Variants in CA10 observed in about 807,000 individuals in gnomAD.
CA10 encodes the protein carbonic anhydrase-related protein 10.
A neutral mutation model predicts 44.2 loss-of-function variants in CA10; 14 were observed. The observed-to-expected ratio is 0.32, with a 90% CI of 0.21 to 0.50. The LOEUF (loss-of-function observed/expected upper bound fraction) is 0.50, where lower values mean the gene tolerates loss of function less well. CA10 is among the 20% of genes least tolerant of loss of function. CA10 has a pLI of 0.99. For missense variants in CA10, 350 were observed against 409.7 expected (o/e 0.85, Z 1.26); for synonymous variants, 159 against 141.6 (o/e 1.12, Z -0.87).
chr17:52,071,749 G>A (rs943103130), intron 2 of CA10, among the ~76,000 whole-genome samples: 25 of 152,116 alleles, frequency 1.6e-4, no homozygotes. Flanking sequence ...AAAGCAAGAG[G>A]ACCATAATGA....
At chr17:52,048,578 A>G (rs1442295935) in intron 2 of CA10, among the ~76,000 whole-genome samples, 1 of 152,028 alleles carries the variant, frequency 6.6e-6, no homozygotes, top group African/African-American at 2.4e-5. Context: ...GAGCCATGAA[A>G]GGGGGTAATC....
chr17:51,865,722 G>T (rs1297909387), intron 3 of CA10, among the ~76,000 whole-genome samples: 1 of 152,244 alleles, frequency 6.6e-6, no homozygotes, highest in Non-Finnish European at 1.5e-5. Context: ...CAGCTCATCA[G>T]TGCTAGAGCT....
rs75078831 is a variant in CA10, at chr17:52,053,102, T to C, written c.136+19217A>G. On this transcript the variant is annotated intron_variant, in intron 2 of 8. Coordinates refer to ENST00000451037, the MANE Select transcript of CA10 (RefSeq NM_020178.5). The stretch of plus-strand genomic sequence containing the variant: ...TCTTTAGAGGACTAAAATGCAACCA[T>C]ACATATCACTTCCTAATGTTTTCCT... 8.5e-3 allele frequency among the ~76,000 whole-genome samples: 1,299 copies of C among 152,180 alleles called. 16 individuals are homozygous for C. The highest frequency in any genetic ancestry group is 0.027 in the African/African-American group (1,136 of 41,562).
At chr17:52,052,289 CT>C (rs371554982) in intron 2 of CA10, among the ~76,000 whole-genome samples, 2 of 21,082 alleles carry the variant, frequency 9.5e-5, no homozygotes, top group African/African-American at 4.1e-4. Context: ...ACTTAAAAGG[CT>C]TTTTTTTTTA....
intron 3 of CA10, among the ~76,000 whole-genome samples, chr17:51,759,282 CTTTCA>C (rs968346805): frequency 6.6e-6 from 1 of 151,778 alleles, no homozygotes; most frequent in South Asian, 2.1e-4. Flanking sequence ...GCTGCTGCTC[CTTTCA>C]TGAGTTGGGG....
At chr17:51,878,161 A>C (rs947000018) in intron 3 of CA10, among the ~76,000 whole-genome samples, 1 of 150,018 alleles carries the variant, frequency 6.7e-6, no homozygotes, top group African/African-American at 2.5e-5. Context: ...AAAAAAAAAA[A>C]AAAAAAGAAA....
intron 3 of CA10, among the ~76,000 whole-genome samples, chr17:51,875,298 A>G (rs1284452912): frequency 1.3e-5 from 2 of 152,144 alleles, no homozygotes; most frequent in Non-Finnish European, 2.9e-5. Flanking sequence ...GGTATGAGGC[A>G]CTGTGCCCAG....
chr17:51,641,755 G>A (rs780513526), intron 6 of CA10, among the ~76,000 whole-genome samples: 1 of 149,478 alleles, frequency 6.7e-6, no homozygotes, highest in African/African-American at 2.4e-5. Flanking sequence ...ACCACTTGGG[G>A]GAGTCGGGGG....
rs191669553 is a variant in CA10, at chr17:51,811,765, T to C, written c.280-63947A>G. Among the ~76,000 whole-genome samples, 6 of 152,346 alleles carry C rather than the reference T, an allele frequency of 3.9e-5. No individual in the cohort carries two copies. In the East Asian group the frequency reaches 9.6e-4, roughly 24 times the overall value. ...AAACATATGTGTGCATGTGTCTTTA[T>C]AGTAGCATGATTTACTATGATTTAT... On this transcript the variant is annotated intron_variant, in intron 3 of 8. Transcript: ENST00000451037.
intron 1 of CA10, among the ~76,000 whole-genome samples, chr17:52,097,193 C>T (rs1392281934): frequency 1.3e-5 from 2 of 151,908 alleles, no homozygotes; most frequent in African/African-American, 4.8e-5. Flanking sequence ...TTAGATCTCT[C>T]TAAAGTGGTT....
chr17:51,777,078 T>G (rs905385265), intron 3 of CA10, among the ~76,000 whole-genome samples: 2 of 152,122 alleles, frequency 1.3e-5, no homozygotes, highest in Admixed American at 6.6e-5. Flanking sequence ...GTTTATAGAC[T>G]GAACAAAATG....
At chr17:51,877,899 C>G (rs554862412) in intron 3 of CA10, among the ~76,000 whole-genome samples, 1 of 152,010 alleles carries the variant, frequency 6.6e-6, no homozygotes, top group East Asian at 1.9e-4. Flanking sequence ...AATCCCAGCA[C>G]TTTGGGAGGC....
intron 3 of CA10, among the ~76,000 whole-genome samples, chr17:51,857,360 T>C (rs897766759): frequency 6.6e-6 from 1 of 152,096 alleles, no homozygotes; most frequent in African/African-American, 2.4e-5. Flanking sequence ...AAAGGCTGCT[T>C]TACTCCCACC....
At chr17:51,941,201 C>CA (rs1380563485) in intron 2 of CA10, among the ~76,000 whole-genome samples, 1 of 152,136 alleles carries the variant, frequency 6.6e-6, no homozygotes, top group African/African-American at 2.4e-5. Flanking sequence ...ATTCATCCCT[C>CA]AGACCTAGCA....
chr17:51,677,259 T>A (rs1350022343), intron 4 of CA10, among the ~76,000 whole-genome samples: 2 of 151,946 alleles, frequency 1.3e-5, no homozygotes, highest in African/African-American at 4.8e-5. Context: ...TGGTGGGAGG[T>A]TACTGGATCA....
At chr17:51,835,311 G>T (rs1420179323) in intron 3 of CA10, among the ~76,000 whole-genome samples, 1 of 152,166 alleles carries the variant, frequency 6.6e-6, no homozygotes, top group African/African-American at 2.4e-5. Flanking sequence ...TTTAGTAGAG[G>T]CTATGCCTTG....
chr17:51,798,315 C>A (rs1906794992), intron 3 of CA10, among the ~76,000 whole-genome samples: 2 of 152,198 alleles, frequency 1.3e-5, no homozygotes, highest in Admixed American at 1.3e-4. Flanking sequence ...AGAGATCAGC[C>A]TCTGAAAATG....
At chr17:51,707,415 A>G (rs1915794441) in intron 4 of CA10, among the ~76,000 whole-genome samples, 1 of 152,166 alleles carries the variant, frequency 6.6e-6, no homozygotes, top group Non-Finnish European at 1.5e-5. Flanking sequence ...GAATCTGATA[A>G]GGTATAAATA....
intron 3 of CA10, chr17:51,748,324 C>T (rs2143608055): frequency 4.6e-6 from 1 of 219,282 alleles, no homozygotes; most frequent in South Asian, 1.6e-4. Flanking sequence ...TGTGTCCTGC[C>T]CTGCAACCAG....
Sources: gnomAD v4.1 joint callset for allele counts (sites outside exome capture counted in the v4.1 genomes callset) on GRCh38, gnomAD v4.1.1 for gene constraint, MANE v1.5 for transcripts, NCBI Gene and HGNC (gene_info 2026-07-23, HGNC 2026-07-21) for gene names.